The following HEATR5A variants were observed in gnomAD, a reference collection of about 807,000 sequenced individuals.
HEATR5A encodes HEAT repeat-containing protein 5A.
A neutral mutation model predicts 218.8 loss-of-function variants in HEATR5A; 178 were observed. That is an observed-to-expected ratio of 0.81 (90% CI 0.72 to 0.92). HEATR5A has a LOEUF of 0.92. Ranked by LOEUF, HEATR5A falls within the 40% of genes least tolerant of loss-of-function variation. The probability of loss-of-function intolerance (pLI) is 0.00; values close to 1 mark genes in which losing one functional copy is unlikely to be tolerated. For synonymous variants in HEATR5A, 864 were observed against 871.6 expected, an observed-to-expected ratio of 0.99 and a Z score of 0.15; for missense variants, 2,420 against 2,418.9, an observed-to-expected ratio of 1.00 and a Z score of -0.01.
intron 21 of HEATR5A, among the ~76,000 whole-genome samples, chr14:31,342,575 T>C (rs537739736): frequency 3.3e-5 from 5 of 152,288 alleles, no homozygotes; most frequent in South Asian, 4.1e-4. Flanking sequence ...ACAAGGTAGC[T>C]GAGGCTAGAA....
At chr14:31,380,745 T>G (rs1011580279) in intron 10 of HEATR5A, among the ~76,000 whole-genome samples, 167 bp from the exon 11 acceptor site, 1 of 152,304 alleles carries the variant, frequency 6.6e-6, no homozygotes, top group African/African-American at 2.4e-5. Context: ...TAAAGGAAAC[T>G]ATAAAAAATT....
intron 25 of HEATR5A, 138 bp from the exon 26 acceptor site, chr14:31,318,430 T>C (rs1899978510): frequency 1.5e-6 from 1 of 651,480 alleles, no homozygotes; most frequent in African/African-American, 1.8e-5. Flanking sequence ...CCAGTGTATC[T>C]TCCCCTGTTT....
intron 1 of HEATR5A, among the ~76,000 whole-genome samples, chr14:31,417,427 C>CA (rs1317294656): frequency 2.6e-5 from 4 of 151,416 alleles, no homozygotes; most frequent in East Asian, 3.9e-4. Context: ...AAAAACAAAA[C>CA]AAAAAAAATT....
intron 30 of HEATR5A, among the ~76,000 whole-genome samples, chr14:31,307,653 G>T (rs1383953191): frequency 6.6e-6 from 1 of 152,178 alleles, no homozygotes; most frequent in Non-Finnish European, 1.5e-5. Flanking sequence ...ATGCAATATA[G>T]AACCCTCCCA....
intron 13 of HEATR5A, among the ~76,000 whole-genome samples, chr14:31,367,302 ATAG>A (rs1238406820): frequency 6.6e-6 from 1 of 152,194 alleles, no homozygotes; most frequent in African/African-American, 2.4e-5. Context: ...TACCTCAATA[ATAG>A]TAAAGAGGTA....
chr14:31,323,864 C>A, intron 23 of HEATR5A, 60 bp from the exon 24 acceptor site: 1 of 876,438 alleles, frequency 1.1e-6, no homozygotes. Flanking sequence ...ATATATATAT[C>A]AAAAGGAACA....
At chr14:31,409,364 T>C (rs144841135) in intron 1 of HEATR5A, among the ~76,000 whole-genome samples, 343 of 150,094 alleles carry the variant, frequency 2.3e-3, no homozygotes, top group African/African-American at 8.2e-3. Context: ...TTTTCTTTTC[T>C]AAAGTAACTT....
Position 31,296,139 on chromosome 14 carries a change from G to A in HEATR5A, c.5465-76C>T, listed in dbSNP as rs1899181602. 4 of 1,233,752 alleles carry A rather than the reference G, an allele frequency of 3.2e-6. No individual in the cohort carries two copies. The Middle Eastern group carries it at 6.0e-4, about 184-fold the overall frequency. The allele number at this position is 1,233,752 out of a possible 1,614,324, so 76.4% of individuals were successfully genotyped here. On this transcript the variant is annotated intron_variant, in intron 33 of 35. Transcript: ENST00000543095. Reference sequence around the variant, plus strand: ...CCTGTGTGAAGCTGTCTTCAGTTTGGTAGTAACAGTTTGGTGTACACAACA... The same window carrying A: ...CCTGTGTGAAGCTGTCTTCAGTTTGATAGTAACAGTTTGGTGTACACAACA...
chr14:31,409,388 A>T (rs1263910624), intron 1 of HEATR5A, among the ~76,000 whole-genome samples: 1 of 151,002 alleles, frequency 6.6e-6, no homozygotes, highest in Non-Finnish European at 1.5e-5. Flanking sequence ...CCAAAACCAC[A>T]TCTAAGAGCA....
intron 22 of HEATR5A, among the ~76,000 whole-genome samples, chr14:31,329,503 G>A (rs1176510205): frequency 6.6e-6 from 1 of 152,216 alleles, no homozygotes; most frequent in African/African-American, 2.4e-5. Context: ...AAGCTCCGAA[G>A]TGATCTCCTT....
chr14:31,407,596 A>ATATATATATATATT (rs2031121136), intron 1 of HEATR5A, among the ~76,000 whole-genome samples: 1 of 484 alleles, frequency 2.1e-3, no homozygotes, highest in African/African-American at 4.8e-3. Flanking sequence ...ATATATATAT[A>ATATATATATATATT]TATATATATA....
intron 21 of HEATR5A, 28 bp from the exon 22 acceptor site, chr14:31,337,642 G>T: frequency 6.3e-7 from 1 of 1,584,360 alleles, no homozygotes; most frequent in Non-Finnish European, 8.6e-7. Context: ...AGGAACGACA[G>T]AGCTAAAATT....
At chr14:31,400,072 T>TGA (rs2030814117) in intron 3 of HEATR5A, among the ~76,000 whole-genome samples, 1 of 152,222 alleles carries the variant, frequency 6.6e-6, no homozygotes, top group African/African-American at 2.4e-5. Flanking sequence ...TTTAGGAAGA[T>TGA]GTTTTGAATC....
chr14:31,346,824 T>C (rs960284866), intron 19 of HEATR5A, among the ~76,000 whole-genome samples: 20 of 152,178 alleles, frequency 1.3e-4, no homozygotes, highest in Admixed American at 1.0e-3. Flanking sequence ...CACACATTAA[T>C]AAGGGAGACA....
chr14:31,313,113 GA>G lies in HEATR5A; in HGVS notation c.4295del (p.Ile1432ThrfsTer14). The stretch of plus-strand genomic sequence containing the variant: ...CATCTGATGAACATGATCCATTTCT[GA>G]TACCGTCTTCTAAACAGGTGGTAGT... Reference protein sequence around the residue: ...LKTTTCLEDGIRNGSCSSDGL... With the variant: ...LKTTTCLEDGXRNGSCSSDGL... On this transcript the variant is annotated frameshift_variant, in exon 28 of 36. Coordinates refer to ENST00000543095, the MANE Select transcript of HEATR5A (RefSeq NM_015473.4). LOFTEE classifies it high-confidence loss of function. 6.2e-7 allele frequency: 1 copy of G among 1,613,878 alleles called. No individual in the cohort carries two copies.
At chr14:31,419,142 G>A (rs2031555875) in intron 1 of HEATR5A, among the ~76,000 whole-genome samples, 1 of 152,054 alleles carries the variant, frequency 6.6e-6, no homozygotes, top group Admixed American at 6.5e-5. Flanking sequence ...TGACTTTCAG[G>A]TGAGGAGTCT....
intron 23 of HEATR5A, among the ~76,000 whole-genome samples, chr14:31,325,583 A>G (rs1265444581): frequency 6.6e-6 from 1 of 151,878 alleles, no homozygotes; most frequent in Admixed American, 6.6e-5. Context: ...ATCTTGGCTC[A>G]CTGCAACCTC....
At chr14:31,375,700 T>C (rs1231292268) in intron 11 of HEATR5A, among the ~76,000 whole-genome samples, 3 of 152,160 alleles carry the variant, frequency 2.0e-5, no homozygotes, top group Non-Finnish European at 4.4e-5. Flanking sequence ...TCTGTATTCT[T>C]GATCTTCAGA....
At chr14:31,365,682 C>T (rs192774902) in intron 13 of HEATR5A, among the ~76,000 whole-genome samples, 113 of 149,008 alleles carry the variant, frequency 7.6e-4, no homozygotes, top group African/African-American at 2.6e-3. Context: ...TTGTTGTTGT[C>T]GAGACAGGGT....
Sources: allele counts gnomAD v4.1 joint callset (sites outside exome capture counted in the v4.1 genomes callset), GRCh38; gene constraint gnomAD v4.1.1; transcripts MANE v1.5; gene names NCBI Gene and HGNC (gene_info 2026-07-23, HGNC 2026-07-21).